GALNT18: variants seen among roughly 807,000 people sequenced by gnomAD.
GALNT18 encodes GalNAc-transferase 18.
A neutral mutation model predicts 69.5 loss-of-function variants in GALNT18; 44 were observed. That is an observed-to-expected ratio of 0.63 (90% CI 0.50 to 0.81). The LOEUF (loss-of-function observed/expected upper bound fraction) is 0.81, where lower values mean the gene tolerates loss of function less well. Among genes scored for constraint, GALNT18 ranks in the 40% least tolerant of loss-of-function variants. The pLI, the probability that GALNT18 is intolerant of heterozygous loss-of-function variation, is 0.00. For synonymous variants in GALNT18, 364 were observed against 318.2 expected, an observed-to-expected ratio of 1.14 and a Z score of -1.53; for missense variants, 715 against 810.0, an observed-to-expected ratio of 0.88 and a Z score of 1.42.
intron 1 of GALNT18, among the ~76,000 whole-genome samples, chr11:11,611,040 G>C (rs1859887155): frequency 2.0e-5 from 3 of 152,132 alleles, no homozygotes; most frequent in Admixed American, 1.3e-4. Context: ...TGTAATGGAA[G>C]ATCAAAAAGG....
intron 1 of GALNT18, among the ~76,000 whole-genome samples, chr11:11,504,547 A>C (rs1012838943): frequency 2.0e-5 from 3 of 152,086 alleles, no homozygotes; most frequent in African/African-American, 7.2e-5. Flanking sequence ...GCTTGAGCTC[A>C]GGAGTTCCAG....
chr11:11,298,200 C>A (rs190442133), intron 9 of GALNT18, among the ~76,000 whole-genome samples: 1 of 152,336 alleles, frequency 6.6e-6, no homozygotes, highest in Non-Finnish European at 1.5e-5. Flanking sequence ...CCACCCCTCA[C>A]ATGTGTCAAG....
chr11:11,549,519 G>T (rs1858141162), intron 1 of GALNT18, among the ~76,000 whole-genome samples: 1 of 152,160 alleles, frequency 6.6e-6, no homozygotes, highest in South Asian at 2.1e-4. Flanking sequence ...TGGAATAATT[G>T]GCCCCAGTCC....
chr11:11,421,600 A>C lies in GALNT18; in HGVS notation c.595+11021T>G, dbSNP rs1855005329. On this transcript the variant is annotated intron_variant, in intron 3 of 10. Coordinates refer to ENST00000227756, the MANE Select transcript of GALNT18 (RefSeq NM_198516.3). The surrounding 1 kb of genome is among the most constrained non-coding windows in gnomAD (Gnocchi z 5.6). ...CAGCAAGTTGACAGGAAACAGAGGC[A>C]GGCCAAACGCAGGACCAATGCAGAG... is the stretch of plus-strand genomic sequence containing the variant. 6.6e-6 allele frequency among the ~76,000 whole-genome samples: 1 copy of C among 152,180 alleles called. No homozygotes were observed. The highest frequency in any genetic ancestry group is 2.1e-4 in the South Asian group (1 of 4,812).
intron 1 of GALNT18, among the ~76,000 whole-genome samples, chr11:11,589,394 T>C (rs74664980): frequency 0.024 from 3,691 of 152,296 alleles, 157 homozygotes; most frequent in African/African-American, 0.085. Context: ...ATCTCCTTTG[T>C]CAAAGGTAAC....
chr11:11,334,739 C>A (rs1850080714), intron 7 of GALNT18, among the ~76,000 whole-genome samples: 1 of 152,150 alleles, frequency 6.6e-6, no homozygotes, highest in Non-Finnish European at 1.5e-5. Flanking sequence ...ACACTCCTGC[C>A]CAGAGCCTTC....
chr11:11,289,627 G>C (rs1425712500), intron 10 of GALNT18, among the ~76,000 whole-genome samples: 1 of 152,194 alleles, frequency 6.6e-6, no homozygotes, highest in Non-Finnish European at 1.5e-5. Flanking sequence ...GGGAGGAGTG[G>C]GGAGCGCTGG....
chr11:11,394,295 A>T (rs955577869), intron 3 of GALNT18, among the ~76,000 whole-genome samples: 2 of 152,228 alleles, frequency 1.3e-5, no homozygotes, highest in African/African-American at 4.8e-5. Context: ...AAAGGCTAGA[A>T]GCATGAATGT....
At position 11,372,581 on chromosome 11, in the gene GALNT18, C is replaced by T. The variant is rs761844056; in HGVS notation, c.1026G>A (p.Gln342=). Residue 342 remains glutamine, a synonymous_variant, in exon 6 of 11, where the codon CAG becomes CAA. Coordinates refer to ENST00000227756, the MANE Select transcript of GALNT18 (RefSeq NM_198516.3). The surrounding 1 kb of genome is among the most constrained non-coding windows in gnomAD (Gnocchi z 4.9). ...TGCCTTCGTCCAGCAGGCCGATCTC[C>T]TGGAAGTACTGCCGGTCCACAATGA... ...GCFIVDRQYF[Q]EIGLLDEGME... is the part of the protein sequence containing the mutation. The T allele has an allele frequency of 1.2e-6, 2 of 1,614,232 alleles. No individual in the cohort carries two copies. Among genetic ancestry groups the T allele is most frequent in the Non-Finnish European group, 1.7e-6 (2 of 1,180,040 alleles).
intron 6 of GALNT18, among the ~76,000 whole-genome samples, chr11:11,363,526 G>T (rs1431355374): frequency 2.6e-5 from 4 of 152,058 alleles, no homozygotes; most frequent in Non-Finnish European, 5.9e-5. Context: ...AAAATAAACA[G>T]GTACCTATGT....
At chr11:11,359,716 A>T (rs1273963220) in intron 6 of GALNT18, among the ~76,000 whole-genome samples, 1 of 152,194 alleles carries the variant, frequency 6.6e-6, no homozygotes, top group African/African-American at 2.4e-5. Context: ...GTCATTTTCC[A>T]AAGCAATGCT....
chr11:11,484,925 C>G (rs1360093409), intron 1 of GALNT18, among the ~76,000 whole-genome samples: 1 of 152,236 alleles, frequency 6.6e-6, no homozygotes, highest in Non-Finnish European at 1.5e-5. Flanking sequence ...GCAGCCGCGA[C>G]ATGAGCTTCA....
intron 1 of GALNT18, among the ~76,000 whole-genome samples, chr11:11,498,304 AG>A (rs1415132272): frequency 6.6e-6 from 1 of 152,264 alleles, no homozygotes; most frequent in Non-Finnish European, 1.5e-5. Flanking sequence ...TACAATAACA[AG>A]CTCAGCAAGC....
intron 6 of GALNT18, among the ~76,000 whole-genome samples, chr11:11,361,480 T>A (rs1324984557): frequency 6.6e-6 from 1 of 152,224 alleles, no homozygotes; most frequent in Non-Finnish European, 1.5e-5. Flanking sequence ...ACCTGTCATA[T>A]TACTATTAAT....
intron 1 of GALNT18, among the ~76,000 whole-genome samples, chr11:11,588,723 C>T (rs1025424342): frequency 6.6e-6 from 1 of 152,214 alleles, no homozygotes; most frequent in African/African-American, 2.4e-5. Context: ...TCTGGCTTCA[C>T]TGTGGATCTC....
At position 11,461,008 on chromosome 11, in the gene GALNT18, T is replaced by C. The variant is rs1856030205; in HGVS notation, c.236-12072A>G. Among the ~76,000 whole-genome samples the C allele has an allele frequency of 6.6e-6, 1 of 152,166 alleles. No homozygotes were observed. The highest frequency in any genetic ancestry group is 2.4e-5 in the African/African-American group (1 of 41,428). ...ACTGGCAAGAGTTAGGGAAGGCAAC[T>C]CCAGCTAGGTGGGCTAGGACTCAGG... On this transcript the variant is annotated intron_variant, in intron 1 of 10. Transcript: ENST00000227756. This position sits in a 1 kb window ranked among gnomAD's most constrained non-coding sequence, Gnocchi z 4.1.
At chr11:11,611,686 T>C (rs1315577557) in intron 1 of GALNT18, among the ~76,000 whole-genome samples, 2 of 152,200 alleles carry the variant, frequency 1.3e-5, no homozygotes, top group South Asian at 2.1e-4. Flanking sequence ...CACGTGACTA[T>C]GCCAGGGCAC....
chr11:11,493,216 G>A (rs892840061), intron 1 of GALNT18, among the ~76,000 whole-genome samples: 5 of 137,370 alleles, frequency 3.6e-5, no homozygotes, highest in East Asian at 2.2e-4. Flanking sequence ...AGCCAAGATC[G>A]CGCCACTGCA....
Position 11,435,762 on chromosome 11 carries a change from C to T in GALNT18, c.429-2975G>A, listed in dbSNP as rs907503818. Reference sequence around the variant, plus strand: ...ACTGCTCCTTTTTCTTACAAACCTCCTCCCTTGGAAGGAGAGTCAGGTCCC... The same window carrying T: ...ACTGCTCCTTTTTCTTACAAACCTCTTCCCTTGGAAGGAGAGTCAGGTCCC... On this transcript the variant is annotated intron_variant, in intron 2 of 10. Coordinates refer to ENST00000227756, the MANE Select transcript of GALNT18 (RefSeq NM_198516.3). This position sits in a 1 kb window ranked among gnomAD's most constrained non-coding sequence, Gnocchi z 4.4. 2.0e-5 allele frequency among the ~76,000 whole-genome samples: 3 copies of T among 152,186 alleles called. No individual in the cohort carries two copies. Among genetic ancestry groups the T allele is most frequent in the African/African-American group, 4.8e-5 (2 of 41,452 alleles).
Sources: gnomAD v4.1 joint callset for allele counts (sites outside exome capture counted in the v4.1 genomes callset) on GRCh38, gnomAD v4.1.1 for gene constraint, Gnocchi (gnomAD v3.1) non-coding constraint, MANE v1.5 for transcripts, NCBI Gene and HGNC (gene_info 2026-07-23, HGNC 2026-07-21) for gene names.